The following SCHIP1 variants were observed in gnomAD, a reference collection of about 807,000 sequenced individuals.
SCHIP1 encodes schwannomin interacting protein 1.
SCHIP1 carries 8 observed loss-of-function variants against 29.7 expected under a neutral mutation model. That is an observed-to-expected ratio of 0.27 (90% CI 0.16 to 0.49). The LOEUF (loss-of-function observed/expected upper bound fraction) is 0.49, where lower values mean the gene tolerates loss of function less well. Ranked by LOEUF, SCHIP1 falls within the 20% of genes least tolerant of loss-of-function variation. The probability of loss-of-function intolerance (pLI) is 0.99; values close to 1 mark genes in which losing one functional copy is unlikely to be tolerated. For missense variants in SCHIP1, 193 were observed against 294.6 expected (o/e 0.66, Z 2.52); for synonymous variants, 76 against 94.9 (o/e 0.80, Z 1.16).
chr3:159,419,363 C>T, the SCHIP1 span, among the ~76,000 whole-genome samples: 1 of 152,156 alleles, frequency 6.6e-6, no homozygotes, highest in African/African-American at 2.4e-5. Context: ...CTTCTTAGTA[C>T]TTTTATTTGT....
the SCHIP1 span, among the ~76,000 whole-genome samples, chr3:159,292,962 G>A: frequency 5.0e-4 from 76 of 152,040 alleles, no homozygotes; most frequent in African/African-American, 1.8e-3. Context: ...TATTTTTTCT[G>A]GAGTTGATTG....
At chr3:159,764,320 G>C in the SCHIP1 span, 1 of 1,225,140 alleles carries the variant, frequency 8.2e-7, no homozygotes, top group East Asian at 2.7e-5. The surrounding 1 kb of genome is among the most constrained non-coding windows in gnomAD (Gnocchi z 6.1). Flanking sequence ...GGCCTCCTTG[G>C]GGGACGCACC....
chr3:159,475,919 GGTAA>G, the SCHIP1 span, among the ~76,000 whole-genome samples: 1 of 152,130 alleles, frequency 6.6e-6, no homozygotes, highest in Admixed American at 6.6e-5. Flanking sequence ...GGAAACTATG[GGTAA>G]GTAACCCTCA....
the SCHIP1 span, among the ~76,000 whole-genome samples, chr3:159,600,267 G>GT: frequency 6.6e-6 from 1 of 152,162 alleles, no homozygotes; most frequent in African/African-American, 2.4e-5. Flanking sequence ...CTGACCAAAT[G>GT]TAAGTTTTCA....
the SCHIP1 span, chr3:159,764,852 A>G: frequency 6.3e-7 from 1 of 1,592,634 alleles, no homozygotes; most frequent in South Asian, 1.1e-5. This position sits in a 1 kb window ranked among gnomAD's most constrained non-coding sequence, Gnocchi z 6.1. Context: ...CACGACCCCC[A>G]GGACCTCAGG....
the SCHIP1 span, among the ~76,000 whole-genome samples, chr3:159,340,226 G>A: frequency 1.7e-3 from 259 of 151,994 alleles, no homozygotes; most frequent in African/African-American, 5.8e-3. Flanking sequence ...ATTAAAATTG[G>A]TAAATAAGAA....
At chr3:159,601,615 A>G in the SCHIP1 span, among the ~76,000 whole-genome samples, 1 of 152,222 alleles carries the variant, frequency 6.6e-6, no homozygotes, top group Admixed American at 6.5e-5. Context: ...CTTCATTTGC[A>G]AAGCTGGAGC....
chr3:159,849,855 G>A (rs1712343931), intron 1 of SCHIP1, among the ~76,000 whole-genome samples: 1 of 152,230 alleles, frequency 6.6e-6, no homozygotes, highest in East Asian at 1.9e-4. Context: ...AGCATTTAGA[G>A]GAAACATTTT....
chr3:159,453,951 G>C, the SCHIP1 span, among the ~76,000 whole-genome samples: 2 of 152,090 alleles, frequency 1.3e-5, no homozygotes, highest in African/African-American at 4.8e-5. Flanking sequence ...CCAGCACCAA[G>C]CTCCTTCTAC....
the SCHIP1 span, among the ~76,000 whole-genome samples, chr3:159,834,072 CT>C: frequency 0.054 from 8,207 of 152,208 alleles, 341 homozygotes; most frequent in Non-Finnish European, 0.066. Context: ...ATCCATTTCT[CT>C]TCCTTTCCTG....
At chr3:159,795,674 A>C in the SCHIP1 span, among the ~76,000 whole-genome samples, 1 of 152,192 alleles carries the variant, frequency 6.6e-6, no homozygotes, top group Non-Finnish European at 1.5e-5. Context: ...TCATTTGGGT[A>C]GGTTAGAGGA....
At chr3:159,330,361 T>C in the SCHIP1 span, among the ~76,000 whole-genome samples, 101,101 of 152,036 alleles carry the variant, frequency 0.66, 33,915 homozygotes, top group Non-Finnish European at 0.68. Flanking sequence ...TGATGGATAA[T>C]TTTAAGGTCC....
intron 1 of SCHIP1, among the ~76,000 whole-genome samples, chr3:159,856,074 T>C (rs77910244): frequency 0.014 from 2,135 of 152,298 alleles, 47 homozygotes; most frequent in African/African-American, 0.049. Flanking sequence ...CCGAGGTGTA[T>C]GTGTTCAGCC....
At chr3:159,399,121 G>C in the SCHIP1 span, among the ~76,000 whole-genome samples, 3 of 151,612 alleles carry the variant, frequency 2.0e-5, no homozygotes, top group African/African-American at 7.3e-5. Context: ...GTCAGTGGCT[G>C]TTTCGTCTGC....
At chr3:159,353,882 C>T in the SCHIP1 span, among the ~76,000 whole-genome samples, 12 of 152,242 alleles carry the variant, frequency 7.9e-5, no homozygotes, top group South Asian at 6.2e-4. Context: ...TTCCATTAAA[C>T]GCCGCCTTCT....
chr3:159,362,469 T>C, the SCHIP1 span, among the ~76,000 whole-genome samples: 2 of 152,216 alleles, frequency 1.3e-5, no homozygotes, highest in African/African-American at 2.4e-5. Context: ...AGTAGGGCCA[T>C]GATTCTGGAA....
chr3:159,858,743 C>T (rs1713688168), intron 1 of SCHIP1, among the ~76,000 whole-genome samples: 1 of 152,174 alleles, frequency 6.6e-6, no homozygotes, highest in Non-Finnish European at 1.5e-5. Flanking sequence ...AGAGTCCTTC[C>T]CCTTGGGTGC....
chr3:159,771,859 A>C, the SCHIP1 span, among the ~76,000 whole-genome samples: 1 of 152,226 alleles, frequency 6.6e-6, no homozygotes, highest in Non-Finnish European at 1.5e-5. Flanking sequence ...TAGTTTGATT[A>C]AAATAAATCT....
At chr3:159,389,219 T>C in the SCHIP1 span, among the ~76,000 whole-genome samples, 1 of 152,092 alleles carries the variant, frequency 6.6e-6, no homozygotes, top group Non-Finnish European at 1.5e-5. Flanking sequence ...AAAGTCTACA[T>C]ATATTTAATA....
Sources: allele counts gnomAD v4.1 joint callset (sites outside exome capture counted in the v4.1 genomes callset), GRCh38; gene constraint gnomAD v4.1.1; non-coding constraint Gnocchi (gnomAD v3.1); transcripts MANE v1.5; gene names NCBI Gene and HGNC (gene_info 2026-07-23, HGNC 2026-07-21).